The following FOXN3 variants were observed in gnomAD, a reference collection of about 807,000 sequenced individuals.
FOXN3 encodes forkhead box protein N3.
In FOXN3, 7 loss-of-function variants were observed where a neutral mutation model predicts 38.4. The observed-to-expected ratio is 0.18, with a 90% CI of 0.10 to 0.34. The LOEUF (loss-of-function observed/expected upper bound fraction) is 0.34, where lower values mean the gene tolerates loss of function less well. Among genes scored for constraint, FOXN3 ranks in the 10% least tolerant of loss-of-function variants. FOXN3 has a pLI of 1.00. For synonymous variants in FOXN3, 230 were observed against 242.2 expected, an observed-to-expected ratio of 0.95 and a Z score of 0.47; for missense variants, 456 against 613.4, an observed-to-expected ratio of 0.74 and a Z score of 2.71.
rs1888373946 is a variant in FOXN3 at position 89,205,976 on chromosome 14, G to T, written c.746-25170C>A. 4.6e-5 allele frequency among the ~76,000 whole-genome samples: 7 copies of T among 152,316 alleles called. No individual in the cohort carries two copies. In the South Asian group the frequency reaches 1.2e-3, roughly 27 times the overall value. ...GAATGGGATGAGAGCCCTCATAAAA[G>T]AGGCCCTAGAGAGCTGCCCGTCCCC... is the stretch of plus-strand genomic sequence containing the variant. On this transcript the variant is annotated intron_variant, in intron 4 of 5. Transcript: ENST00000557258.
chr14:89,546,519 C>T (rs1210642497), intron 1 of FOXN3, among the ~76,000 whole-genome samples: 86 of 150,852 alleles, frequency 5.7e-4, no homozygotes, highest in African/African-American at 2.0e-3. Context: ...TTAGTAGAGA[C>T]GGGGTTTCAC....
At chr14:89,337,653 C>T (rs1345079050) in intron 3 of FOXN3, among the ~76,000 whole-genome samples, 18 of 119,960 alleles carry the variant, frequency 1.5e-4, no homozygotes, top group Non-Finnish European at 2.5e-4. Context: ...TTTTTTGAGA[C>T]GGAGTCTTGC....
At chr14:89,392,457 C>T (rs1297598984) in intron 2 of FOXN3, among the ~76,000 whole-genome samples, 1 of 152,148 alleles carries the variant, frequency 6.6e-6, no homozygotes, top group Non-Finnish European at 1.5e-5. Flanking sequence ...AGGCTTGAAG[C>T]CTAAAATCCA....
chr14:89,290,423 C>T (rs957733993), intron 3 of FOXN3: 8 of 377,784 alleles, frequency 2.1e-5, no homozygotes, highest in African/African-American at 1.7e-4. Flanking sequence ...TTTGAATGTA[C>T]TTGGAGTTGG....
chr14:89,245,257 T>A (rs1197787071), intron 4 of FOXN3, among the ~76,000 whole-genome samples: 3 of 152,216 alleles, frequency 2.0e-5, no homozygotes, highest in Non-Finnish European at 4.4e-5. Context: ...AGGTGGGTCA[T>A]TCGGGGCCCT....
chr14:89,555,951 G>C (rs1221919405), intron 1 of FOXN3, among the ~76,000 whole-genome samples: 2 of 150,404 alleles, frequency 1.3e-5, no homozygotes, highest in Non-Finnish European at 1.5e-5. Flanking sequence ...ATGCCTCTTA[G>C]ATTGTAGAAA....
chr14:89,403,547 T>A (rs1437065710), intron 2 of FOXN3, among the ~76,000 whole-genome samples: 1 of 152,242 alleles, frequency 6.6e-6, no homozygotes, highest in East Asian at 1.9e-4. Flanking sequence ...ACTTCCTATG[T>A]TATTTACTGC....
At chr14:89,474,836 G>A (rs543369634) in intron 1 of FOXN3, among the ~76,000 whole-genome samples, 76 of 151,952 alleles carry the variant, frequency 5.0e-4, no homozygotes, top group Non-Finnish European at 1.0e-3. Flanking sequence ...TTTTTCTTGA[G>A]ATGCCGTCTT....
chr14:89,232,709 TG>T (rs1174501931), intron 4 of FOXN3, among the ~76,000 whole-genome samples: 1 of 152,144 alleles, frequency 6.6e-6, no homozygotes, highest in African/African-American at 2.4e-5. Context: ...CATTTCAGGG[TG>T]ATAGTTTGTT....
chr14:89,349,621 CA>C (rs1888889617), intron 3 of FOXN3: 1 of 152,672 alleles, frequency 6.5e-6, no homozygotes, highest in Admixed American at 6.5e-5. Flanking sequence ...AGACATACAG[CA>C]GTCTTCTCAG....
rs74077107 is a variant in FOXN3, at chr14:89,206,208, G to A, written c.746-25402C>T. On this transcript the variant is annotated intron_variant, in intron 4 of 5. Coordinates refer to ENST00000557258, the MANE Select transcript of FOXN3 (RefSeq NM_005197.4). ...ACTAACATAGTGGGTAAAACGCCCC[G>A]TACATAAGCACAAACACTAAGTAAG... 7.6e-4 allele frequency among the ~76,000 whole-genome samples: 115 copies of A among 152,252 alleles called. 1 individual carries two copies. The highest frequency in any genetic ancestry group is 2.1e-3 in the African/African-American group (88 of 41,550).
chr14:89,529,946 T>G (rs1430124961), intron 1 of FOXN3, among the ~76,000 whole-genome samples: 1 of 151,734 alleles, frequency 6.6e-6, no homozygotes, highest in Non-Finnish European at 1.5e-5. Flanking sequence ...GTGTAATTTT[T>G]TTTTTTTTTT....
chr14:89,512,670 A>G (rs1314322421), intron 1 of FOXN3, among the ~76,000 whole-genome samples: 1 of 152,272 alleles, frequency 6.6e-6, no homozygotes, highest in Non-Finnish European at 1.5e-5. Context: ...GGGGCAGGAC[A>G]GAGAGCCCTA....
At chr14:89,438,921 C>A (rs1464463409) in intron 1 of FOXN3, among the ~76,000 whole-genome samples, 1 of 151,994 alleles carries the variant, frequency 6.6e-6, no homozygotes, top group Admixed American at 6.6e-5. Flanking sequence ...CCACCACGCC[C>A]AGCTAATTTC....
chr14:89,611,373 G>A (rs959234174), intron 1 of FOXN3, among the ~76,000 whole-genome samples: 1 of 152,184 alleles, frequency 6.6e-6, no homozygotes, highest in Non-Finnish European at 1.5e-5. Context: ...TGTTTTTTGT[G>A]TTAGACATGC....
intron 2 of FOXN3, among the ~76,000 whole-genome samples, chr14:89,386,190 GTGTT>G (rs1284645158): frequency 3.3e-5 from 5 of 152,228 alleles, no homozygotes; most frequent in African/African-American, 1.2e-4. Flanking sequence ...GAGGAGCTAA[GTGTT>G]TGGGGAAAAT....
In FOXN3 at chr14:89,599,526, G is replaced by A. The variant is rs114385154; in HGVS notation, c.-15+19502C>T. Among the ~76,000 whole-genome samples, 1,463 of 151,760 alleles carry A rather than the reference G, an allele frequency of 9.6e-3. 15 individuals are homozygous for A. The highest frequency in any genetic ancestry group is 0.033 in the African/African-American group (1,376 of 41,314). On this transcript the variant is annotated intron_variant, in intron 1 of 6. Coordinates refer to the FOXN3 transcript ENST00000345097. Reference sequence around the variant, plus strand: ...GACCATATTTGATTATCTATTATCTGGATCTCTTGTAGGTATATCCAATTT... The same window carrying A: ...GACCATATTTGATTATCTATTATCTAGATCTCTTGTAGGTATATCCAATTT...
chr14:89,301,888 C>A (rs1057497338), intron 3 of FOXN3, among the ~76,000 whole-genome samples: 1 of 152,160 alleles, frequency 6.6e-6, no homozygotes, highest in Non-Finnish European at 1.5e-5. Context: ...AGCAGAAAGG[C>A]CCGGCCCGAC....
intron 2 of FOXN3, among the ~76,000 whole-genome samples, chr14:89,352,724 A>G (rs1020538962): frequency 2.6e-5 from 4 of 152,224 alleles, no homozygotes; most frequent in Non-Finnish European, 5.9e-5. Context: ...TCAGGGTGGG[A>G]CCATTTAATC....
Sources: allele counts gnomAD v4.1 joint callset (sites outside exome capture counted in the v4.1 genomes callset), GRCh38; gene constraint gnomAD v4.1.1; transcripts MANE v1.5; gene names NCBI Gene and HGNC (gene_info 2026-07-23, HGNC 2026-07-21).